RHOBTB2: variants seen among roughly 807,000 people sequenced by gnomAD.
RHOBTB2 encodes Rho related BTB domain containing 2.
RHOBTB2 carries 39 observed loss-of-function variants against 66.5 expected under a neutral mutation model. That is an observed-to-expected ratio of 0.59 (90% CI 0.45 to 0.77). The LOEUF (loss-of-function observed/expected upper bound fraction) is 0.77. Among genes scored for constraint, RHOBTB2 ranks in the 30% least tolerant of loss-of-function variants. RHOBTB2 has a pLI of 0.00. For synonymous variants in RHOBTB2, 390 were observed against 395.0 expected, an observed-to-expected ratio of 0.99 and a Z score of 0.15; for missense variants, 755 against 999.1, an observed-to-expected ratio of 0.76 and a Z score of 3.29.
In RHOBTB2 at chr8:22,999,879, G is replaced by C. The variant is rs1810715870; in HGVS notation, c.-237G>C. The C allele has an allele frequency of 4.1e-6, 4 of 985,044 alleles. No homozygotes were observed. Among genetic ancestry groups the C allele is most frequent in the Non-Finnish European group, 4.8e-6 (4 of 829,806 alleles). The allele number at this position is 985,044 out of a possible 1,614,324, so 61.0% of individuals were successfully genotyped here. A position where few individuals can be genotyped will look rare whatever the true frequency, so the allele number is the denominator to read the frequency against. On this transcript the variant is annotated 5_prime_UTR_variant, in exon 1 of 10. Coordinates refer to ENST00000251822, the MANE Select transcript of RHOBTB2 (RefSeq NM_015178.3). ...CGGAAGGGGCAGCGGCTGCAGTGCAGCGCGCGCGTCCGCTCCTGGGCCCAC... is the reference window on the plus strand; with the variant it reads ...CGGAAGGGGCAGCGGCTGCAGTGCACCGCGCGCGTCCGCTCCTGGGCCCAC...
intron 1 of RHOBTB2, among the ~76,000 whole-genome samples, chr8:22,991,580 G>A (rs1190620345): frequency 6.6e-6 from 1 of 152,202 alleles, no homozygotes; most frequent in African/African-American, 2.4e-5. Context: ...AGACCCCTCA[G>A]GTATCATCCA....
intron 7 of RHOBTB2, among the ~76,000 whole-genome samples, chr8:23,010,919 C>T (rs1230861899): frequency 2.0e-5 from 3 of 152,094 alleles, no homozygotes; most frequent in Admixed American, 6.5e-5. Flanking sequence ...TCTCCAAAGG[C>T]GATTTAAACC....
chr8:22,993,319 C>T (rs891918208), intron 2 of RHOBTB2, among the ~76,000 whole-genome samples: 1 of 152,122 alleles, frequency 6.6e-6, no homozygotes, highest in African/African-American at 2.4e-5. Flanking sequence ...ACCACTGCAT[C>T]CGGTTCTACA....
chr8:23,007,037 C>G lies in RHOBTB2; in HGVS notation c.792C>G (p.Leu264=), dbSNP rs1585191347. 1 of 1,609,176 alleles carries G rather than the reference C, an allele frequency of 6.2e-7. No homozygotes were observed. Among genetic ancestry groups the G allele is most frequent in the Non-Finnish European group, 8.5e-7 (1 of 1,179,056 alleles). Residue 264 remains leucine (L), a synonymous_variant, in exon 5 of 10, where the codon CTC becomes CTG. Coordinates refer to ENST00000251822, the MANE Select transcript of RHOBTB2 (RefSeq NM_015178.3). The part of the protein sequence containing the change: ...ECPAHLLEDP[L]CADVILVLQE... ...CCGCCCACCTCCTGGAGGACCCGCTCTGCGCGGACGTCATCCTGGTGCTGC... is the reference window on the plus strand; with the variant it reads ...CCGCCCACCTCCTGGAGGACCCGCTGTGCGCGGACGTCATCCTGGTGCTGC...
chr8:22,958,189 G>A, the RHOBTB2 span, among the ~76,000 whole-genome samples: 3 of 152,186 alleles, frequency 2.0e-5, no homozygotes, highest in Non-Finnish European at 2.9e-5. Flanking sequence ...GCACAGGTGG[G>A]TGCCCTCCCC....
the RHOBTB2 span, among the ~76,000 whole-genome samples, chr8:22,973,291 C>G: frequency 1.3e-5 from 2 of 152,050 alleles, no homozygotes; most frequent in African/African-American, 4.8e-5. Flanking sequence ...TGCAGTGGCC[C>G]GATCATCGCT....
the RHOBTB2 span, among the ~76,000 whole-genome samples, chr8:22,975,875 C>T: frequency 6.6e-6 from 1 of 151,944 alleles, no homozygotes; most frequent in Non-Finnish European, 1.5e-5. Context: ...GGGCCAGGTG[C>T]GGTGGCTCAC....
chr8:23,010,571 C>T lies in RHOBTB2; in HGVS notation c.1654C>T (p.Arg552Trp), dbSNP rs745317492. 6.2e-6 allele frequency: 10 copies of T among 1,613,972 alleles called. No homozygotes were observed. The highest frequency in any genetic ancestry group is 4.4e-5 in the South Asian group (4 of 91,070). The change falls in exon 7 of 10, where the codon CGG (arginine) becomes TGG (tryptophan). Residue 552 changes from arginine to tryptophan, a missense_variant. Physicochemically the swap from Arg to Trp is moderately radical, Grantham distance 101. Around this residue, in one of 7 missense-constraint regions of RHOBTB2, gnomAD observed 353 missense variants for 458.2 expected, o/e 0.77. Coordinates refer to ENST00000251822, the MANE Select transcript of RHOBTB2 (RefSeq NM_015178.3). ...VFPYTSKSCM[R>W]AVLEYLYTGM... ...TCCCTACACAAGCAAGAGCTGCATG[C>T]GGGCCGTGCTGGAATACCTCTACAC...
chr8:22,996,949 G>A (rs1299341338), upstream of RHOBTB2, among the ~76,000 whole-genome samples: 2 of 152,178 alleles, frequency 1.3e-5, no homozygotes, highest in Admixed American at 1.3e-4. Flanking sequence ...TTGAATAGCA[G>A]AGTGGGGGTC....
At position 23,017,299 on chromosome 8, in the gene RHOBTB2, C is replaced by G; in HGVS notation, c.2014C>G (p.Leu672Val). ...EKHRWPPVWY[L>V]KEEDHYQRAR... is the part of the protein sequence containing the mutation. ...GCATCGGTGGCCACCTGTGTGGTAC[C>G]TGAAGGAGGAAGATCATTACCAGCG... is the stretch of plus-strand genomic sequence containing the variant. Residue 672 changes from leucine (L) to valine (V), a missense_variant, in exon 10 of 10, where the codon CTG becomes GTG. Leu to Val is a conservative substitution (Grantham distance 32). Around this residue, in one of 7 missense-constraint regions of RHOBTB2, gnomAD observed 353 missense variants for 458.2 expected, o/e 0.77. Coordinates refer to ENST00000251822, the MANE Select transcript of RHOBTB2 (RefSeq NM_015178.3). This position sits in a 1 kb window ranked among gnomAD's most constrained non-coding sequence, Gnocchi z 5.3. 1 of 1,614,188 alleles carries G rather than the reference C, an allele frequency of 6.2e-7. No individual in the cohort carries two copies. Among genetic ancestry groups the G allele is most frequent in the East Asian group, 2.2e-5 (1 of 44,872 alleles).
chr8:23,019,902 G>A lies in RHOBTB2; in HGVS notation c.*2433G>A, dbSNP rs971304285. The stretch of plus-strand genomic sequence containing the variant: ...GGTGTCCCTGTCCCCAGAGGGAGGA[G>A]CAGGCAGGAGAGAGAGGGGAAGGAG... On this transcript the variant is annotated 3_prime_UTR_variant, in exon 10 of 10. Transcript: ENST00000251822. 1.4e-5 allele frequency: 3 copies of A among 214,952 alleles called. No homozygotes were observed. The highest frequency in any genetic ancestry group is 4.7e-5 in the African/African-American group (2 of 42,866). The allele number at this position is 214,952 out of a possible 1,614,324, so 13.3% of individuals were successfully genotyped here. A position where few individuals can be genotyped will look rare whatever the true frequency, so the allele number is the denominator to read the frequency against.
chr8:22,996,485 CAG>C (rs1230913867), upstream of RHOBTB2, among the ~76,000 whole-genome samples: 2 of 134,350 alleles, frequency 1.5e-5, no homozygotes, highest in African/African-American at 5.7e-5. Context: ...AGCAAATGGG[CAG>C]AGAGGGCTGG....
intron 1 of RHOBTB2, among the ~76,000 whole-genome samples, chr8:22,991,024 G>A (rs1036538285): frequency 9.9e-5 from 15 of 152,196 alleles, no homozygotes; most frequent in Admixed American, 2.0e-4. Flanking sequence ...TGGACACTTG[G>A]TTTTCTCCAC....
the RHOBTB2 span, among the ~76,000 whole-genome samples, chr8:22,954,359 G>A: frequency 3.9e-5 from 6 of 152,024 alleles, no homozygotes; most frequent in African/African-American, 7.2e-5. Context: ...GTTTTTTAAC[G>A]TATGTATAGA....
Position 23,006,416 on chromosome 8 carries a change from G to T in RHOBTB2, c.482+271G>T. On this transcript the variant is annotated intron_variant, in intron 4 of 9. Coordinates refer to ENST00000251822, the MANE Select transcript of RHOBTB2 (RefSeq NM_015178.3). This position sits in a 1 kb window ranked among gnomAD's most constrained non-coding sequence, Gnocchi z 6.1. ...AAAAAGTCCTATAATTTTGCTGAGG[G>T]ATAAACTAAATATGTGAGCATGTTA... 1 of 556,336 alleles carries T rather than the reference G, an allele frequency of 1.8e-6. No homozygotes were observed. The highest frequency in any genetic ancestry group is 3.2e-6 in the Non-Finnish European group (1 of 313,916). 34.5% of individuals were successfully genotyped at this position (556,336 alleles called of 1,614,324 possible).
At chr8:23,011,017 G>T (rs112947966) in intron 7 of RHOBTB2, among the ~76,000 whole-genome samples, 6,220 of 152,280 alleles carry the variant, frequency 0.041, 313 homozygotes, top group African/African-American at 0.12. Context: ...ATCACTTGAG[G>T]CCAGGAGTTT....
the RHOBTB2 span, among the ~76,000 whole-genome samples, chr8:22,955,163 A>G: frequency 6.6e-6 from 1 of 152,138 alleles, no homozygotes; most frequent in East Asian, 1.9e-4. Context: ...GATAAAAACT[A>G]TTGCATTGCC....
upstream of RHOBTB2, among the ~76,000 whole-genome samples, chr8:22,996,932 G>A (rs1428700770): frequency 6.6e-6 from 1 of 152,180 alleles, no homozygotes; most frequent in African/African-American, 2.4e-5. Context: ...AGGGGCTGGA[G>A]GCTGTCTTGA....
rs574338432 is a variant in RHOBTB2 at position 22,993,521 on chromosome 8, G to A, written c.-23-1040G>A. ...AGGGTGTCAGTGCTGGAAGGGACAG[G>A]AAGAAGGCCATGTAGCCACCCCTGT... On this transcript the variant is annotated intron_variant, in intron 2 of 11. Transcript: ENST00000519685. 2.0e-5 allele frequency among the ~76,000 whole-genome samples: 3 copies of A among 152,316 alleles called. No homozygotes were observed. In the East Asian group the frequency reaches 5.8e-4, roughly 29 times the overall value.
Sources: allele counts gnomAD v4.1 joint callset (sites outside exome capture counted in the v4.1 genomes callset), GRCh38; gene constraint gnomAD v4.1.1; regional missense constraint gnomAD v4.1.1; non-coding constraint Gnocchi (gnomAD v3.1); transcripts MANE v1.5; gene names NCBI Gene and HGNC (gene_info 2026-07-23, HGNC 2026-07-21).